CA10: variants seen among roughly 807,000 people sequenced by gnomAD.
The protein encoded by CA10 is carbonic anhydrase 10 (inactive).
In CA10, 14 loss-of-function variants were observed where a neutral mutation model predicts 44.2. That is an observed-to-expected ratio of 0.32 (90% CI 0.21 to 0.50). The LOEUF (loss-of-function observed/expected upper bound fraction) is 0.50, where lower values mean the gene tolerates loss of function less well. Among genes scored for constraint, CA10 ranks in the 20% least tolerant of loss-of-function variants. The pLI, the probability that CA10 is intolerant of heterozygous loss-of-function variation, is 0.99. For synonymous variants in CA10, 159 were observed against 141.6 expected (o/e 1.12, Z -0.87); for missense variants, 350 against 409.7 (o/e 0.85, Z 1.26).
intron 4 of CA10, among the ~76,000 whole-genome samples, chr17:51,713,974 AT>A (rs1372145639): frequency 6.6e-6 from 1 of 152,162 alleles, no homozygotes; most frequent in African/African-American, 2.4e-5. Flanking sequence ...AAATAAACTA[AT>A]CCTTAAATTA....
At chr17:51,929,274 G>T (rs574838115) in intron 3 of CA10, among the ~76,000 whole-genome samples, 6 of 152,086 alleles carry the variant, frequency 3.9e-5, no homozygotes, top group Admixed American at 6.6e-5. Flanking sequence ...CTGATGGAAA[G>T]TAAAAATTAT....
chr17:51,968,049 G>T (rs749702113), intron 2 of CA10, among the ~76,000 whole-genome samples: 1 of 151,774 alleles, frequency 6.6e-6, no homozygotes, highest in Non-Finnish European at 1.5e-5. Flanking sequence ...AGAGAGGAAA[G>T]TCAGAGACAT....
At chr17:51,659,179 A>G (rs1195230922) in intron 4 of CA10, among the ~76,000 whole-genome samples, 1 of 152,172 alleles carries the variant, frequency 6.6e-6, no homozygotes, top group Non-Finnish European at 1.5e-5. Context: ...GCAACATCCA[A>G]TCTATTGCAG....
At chr17:51,821,943 AC>A (rs1907818713) in intron 3 of CA10, among the ~76,000 whole-genome samples, 1 of 152,010 alleles carries the variant, frequency 6.6e-6, no homozygotes, top group Non-Finnish European at 1.5e-5. Context: ...ACCTGTGGTC[AC>A]CCCTTTCCAG....
chr17:51,744,499 T>A (rs1193161986), intron 4 of CA10, among the ~76,000 whole-genome samples: 1 of 151,396 alleles, frequency 6.6e-6, no homozygotes, highest in Non-Finnish European at 1.5e-5. Context: ...CCTAGCACTT[T>A]GTGGGGGGGC....
intron 4 of CA10, among the ~76,000 whole-genome samples, chr17:51,697,534 C>G (rs987650116): frequency 9.9e-5 from 15 of 152,218 alleles, no homozygotes; most frequent in Admixed American, 8.5e-4. Context: ...TCCTGCCACT[C>G]TCAAGACCCT....
chr17:51,949,465 G>A (rs1048894580), intron 2 of CA10, among the ~76,000 whole-genome samples: 8 of 152,072 alleles, frequency 5.3e-5, no homozygotes, highest in Admixed American at 2.6e-4. Flanking sequence ...GTCAGAAAAT[G>A]ACAGTGTTTG....
intron 4 of CA10, among the ~76,000 whole-genome samples, chr17:51,694,128 C>T (rs371235264): frequency 1.1e-4 from 17 of 151,824 alleles, no homozygotes; most frequent in South Asian, 4.2e-4. Context: ...CGCTTGAACC[C>T]GGGAGGCAGA....
intron 3 of CA10, among the ~76,000 whole-genome samples, chr17:51,796,907 T>C (rs1270965063): frequency 6.6e-6 from 1 of 152,202 alleles, no homozygotes; most frequent in African/African-American, 2.4e-5. Context: ...AACTATAGAA[T>C]AGGTGTCTTT....
intron 4 of CA10, among the ~76,000 whole-genome samples, chr17:51,678,487 G>A (rs1302298965): frequency 6.6e-6 from 1 of 152,192 alleles, no homozygotes; most frequent in Non-Finnish European, 1.5e-5. Context: ...TTTTACTTCT[G>A]TTGCTTCTGG....
chr17:51,972,718 T>C (rs1308311916), intron 2 of CA10, among the ~76,000 whole-genome samples: 2 of 152,018 alleles, frequency 1.3e-5, no homozygotes, highest in Non-Finnish European at 2.9e-5. Flanking sequence ...GCTAATCTTT[T>C]CACCTCTGAA....
intron 4 of CA10, among the ~76,000 whole-genome samples, chr17:51,670,010 G>A (rs1196863547): frequency 6.6e-6 from 1 of 152,188 alleles, no homozygotes; most frequent in African/African-American, 2.4e-5. Context: ...AGTTCTGATG[G>A]TTTTATCAGG....
chr17:51,880,086 A>C (rs1268304503), intron 3 of CA10, among the ~76,000 whole-genome samples: 2 of 152,128 alleles, frequency 1.3e-5, no homozygotes, highest in Admixed American at 1.3e-4. Flanking sequence ...ACTCCAGGCC[A>C]CTAACCACCT....
At chr17:51,698,179 T>A (rs1915465300) in intron 4 of CA10, among the ~76,000 whole-genome samples, 1 of 152,242 alleles carries the variant, frequency 6.6e-6, no homozygotes, top group Non-Finnish European at 1.5e-5. Context: ...CTACTGTTGC[T>A]GCTTCCCATC....
intron 3 of CA10, among the ~76,000 whole-genome samples, chr17:51,816,344 C>T (rs1271831465): frequency 6.6e-6 from 1 of 152,214 alleles, no homozygotes; most frequent in Non-Finnish European, 1.5e-5. Flanking sequence ...TGCTCCAAAT[C>T]TTAGCTATTG....
chr17:51,714,230 G>T (rs945107670), intron 4 of CA10, among the ~76,000 whole-genome samples: 1 of 152,142 alleles, frequency 6.6e-6, no homozygotes, highest in Non-Finnish European at 1.5e-5. Context: ...TTCTTAAAGA[G>T]GCAAAGTCTC....
intron 3 of CA10, among the ~76,000 whole-genome samples, chr17:51,795,714 A>C (rs1320154753): frequency 6.6e-6 from 1 of 152,230 alleles, no homozygotes; most frequent in Non-Finnish European, 1.5e-5. Context: ...AGATCTGTCC[A>C]GTGCTGACAG....
intron 4 of CA10, among the ~76,000 whole-genome samples, chr17:51,658,815 T>C (rs1360083141): frequency 6.6e-6 from 1 of 152,224 alleles, no homozygotes; most frequent in Non-Finnish European, 1.5e-5. Context: ...CCTACCCTTC[T>C]TTACCTCATA....
chr17:52,011,836 A>T (rs553601655), intron 2 of CA10, among the ~76,000 whole-genome samples: 2 of 152,100 alleles, frequency 1.3e-5, no homozygotes, highest in African/African-American at 4.8e-5. Flanking sequence ...TGACTTCAGC[A>T]TCATAGAAGA....
Sources: allele counts gnomAD v4.1 joint callset (sites outside exome capture counted in the v4.1 genomes callset), GRCh38; gene constraint gnomAD v4.1.1; transcripts MANE v1.5; gene names NCBI Gene and HGNC (gene_info 2026-07-23, HGNC 2026-07-21).